Variants in CDH18 observed in about 807,000 individuals in gnomAD.
The protein encoded by CDH18 is cadherin-18.
In CDH18, 31 loss-of-function variants were observed where a neutral mutation model predicts 67.9. The observed-to-expected ratio is 0.46, with a 90% CI of 0.34 to 0.62. The LOEUF is 0.62. Among genes scored for constraint, CDH18 ranks in the 20% least tolerant of loss-of-function variants. The probability of loss-of-function intolerance (pLI) is 0.01; values close to 1 mark genes in which losing one functional copy is unlikely to be tolerated. For synonymous variants in CDH18, 362 were observed against 347.2 expected, an observed-to-expected ratio of 1.04 and a Z score of -0.48; for missense variants, 890 against 975.5, an observed-to-expected ratio of 0.91 and a Z score of 1.17.
intron 5 of CDH18, among the ~76,000 whole-genome samples, chr5:19,620,611 T>A (rs902531431): frequency 2.2e-4 from 33 of 152,172 alleles, no homozygotes; most frequent in African/African-American, 7.5e-4. Flanking sequence ...ATAAAAGTGG[T>A]CACTATCTAA....
chr5:19,709,627 A>T (rs529122066), intron 5 of CDH18, among the ~76,000 whole-genome samples: 68 of 151,716 alleles, frequency 4.5e-4, no homozygotes, highest in Non-Finnish European at 9.0e-4. Context: ...TGACAGAAAG[A>T]GAGAAAGAGA....
At chr5:20,137,282 T>C (rs937696019) in intron 2 of CDH18, among the ~76,000 whole-genome samples, 2 of 152,154 alleles carry the variant, frequency 1.3e-5, no homozygotes, top group Non-Finnish European at 2.9e-5. Context: ...TGTTCATTTC[T>C]TTTTACTCTT....
At chr5:19,593,640 C>T (rs1389529906) in intron 6 of CDH18, among the ~76,000 whole-genome samples, 1 of 142,624 alleles carries the variant, frequency 7.0e-6, no homozygotes, top group African/African-American at 2.7e-5. Context: ...TCCTTCTCCT[C>T]CTTCACCCAC....
chr5:20,155,682 C>T (rs1751470778), intron 2 of CDH18, among the ~76,000 whole-genome samples: 1 of 151,920 alleles, frequency 6.6e-6, no homozygotes, highest in Non-Finnish European at 1.5e-5. Context: ...TCCTAGGTTT[C>T]CTTCTAGGAT....
chr5:20,025,382 A>G (rs554637509), intron 2 of CDH18, among the ~76,000 whole-genome samples: 1 of 152,328 alleles, frequency 6.6e-6, no homozygotes, highest in South Asian at 2.1e-4. Context: ...AACTTTTTCT[A>G]GGACATATAA....
Position 20,161,752 on chromosome 5 carries a change from T to G in CDH18, c.-518+93692A>C, listed in dbSNP as rs181036280. Reference sequence around the variant, plus strand: ...TTTTAACTGTGAGCTCGTTTTCCACTGAAACTTATCAACGGAAATTCTTTG... The same window carrying G: ...TTTTAACTGTGAGCTCGTTTTCCACGGAAACTTATCAACGGAAATTCTTTG... On this transcript the variant is annotated intron_variant, in intron 2 of 14. Transcript: ENST00000507958. 3.9e-5 allele frequency among the ~76,000 whole-genome samples: 6 copies of G among 152,194 alleles called. No homozygotes were observed. In the East Asian group the frequency reaches 1.2e-3, roughly 29 times the overall value.
At chr5:19,966,017 A>C (rs1198377820) in intron 2 of CDH18, among the ~76,000 whole-genome samples, 1 of 152,228 alleles carries the variant, frequency 6.6e-6, no homozygotes, top group African/African-American at 2.4e-5. Context: ...TTCATAAAAA[A>C]AGAAAAAGGC....
At chr5:20,042,392 A>G (rs373850494) in intron 2 of CDH18, among the ~76,000 whole-genome samples, 7 of 152,232 alleles carry the variant, frequency 4.6e-5, no homozygotes, top group East Asian at 3.8e-4. Flanking sequence ...GCCAAAGGAA[A>G]CTTTTTCCCT....
At chr5:19,945,120 A>G (rs1272790081) in intron 2 of CDH18, among the ~76,000 whole-genome samples, 2 of 152,136 alleles carry the variant, frequency 1.3e-5, no homozygotes, top group Non-Finnish European at 2.9e-5. Context: ...CCCTCCATCT[A>G]GAGGTGTATG....
intron 2 of CDH18, among the ~76,000 whole-genome samples, chr5:20,128,523 G>C (rs148660471): frequency 0.011 from 1,678 of 152,126 alleles, 26 homozygotes; most frequent in Admixed American, 0.033. Context: ...TCAATGTATA[G>C]GCTACCATAT....
chr5:19,873,618 T>A (rs185379715), intron 2 of CDH18, among the ~76,000 whole-genome samples: 96 of 152,284 alleles, frequency 6.3e-4, no homozygotes, highest in African/African-American at 2.2e-3. Context: ...TTATCAACTT[T>A]ATGTTTTGTA....
intron 3 of CDH18, among the ~76,000 whole-genome samples, chr5:19,830,112 T>C (rs1220163329): frequency 6.6e-6 from 1 of 152,170 alleles, no homozygotes; most frequent in Non-Finnish European, 1.5e-5. Context: ...AGAAATATCA[T>C]TCTGGACATA....
chr5:19,868,717 T>C (rs1785886046), intron 2 of CDH18, among the ~76,000 whole-genome samples: 2 of 152,144 alleles, frequency 1.3e-5, no homozygotes, highest in Admixed American at 1.3e-4. Flanking sequence ...GAAACGTATG[T>C]TCATGGGCAT....
chr5:19,774,842 A>C (rs1774154669), intron 3 of CDH18, among the ~76,000 whole-genome samples: 1 of 135,462 alleles, frequency 7.4e-6, no homozygotes, highest in African/African-American at 3.0e-5. Flanking sequence ...AAAAAAAAAA[A>C]AAAAAAAGGC....
chr5:19,960,684 C>T (rs1487168639), intron 2 of CDH18, among the ~76,000 whole-genome samples: 17 of 124,842 alleles, frequency 1.4e-4, no homozygotes, highest in East Asian at 2.1e-4. Flanking sequence ...TATATGTATA[C>T]ATATACACGT....
intron 1 of CDH18, among the ~76,000 whole-genome samples, chr5:20,477,522 C>T (rs1752521554): frequency 1.3e-5 from 2 of 152,168 alleles, no homozygotes; most frequent in East Asian, 3.9e-4. Context: ...CTTAGTGCTT[C>T]CCTGTCACAG....
At chr5:19,796,697 T>C (rs1338247098) in intron 3 of CDH18, among the ~76,000 whole-genome samples, 1 of 152,102 alleles carries the variant, frequency 6.6e-6, no homozygotes, top group Non-Finnish European at 1.5e-5. Context: ...GAGTTTTATC[T>C]ATCATATTTA....
rs1762537167 is a variant in CDH18, at chr5:19,696,313, G to C, written c.643+25034C>G. Among the ~76,000 whole-genome samples the C allele has an allele frequency of 2.6e-5, 4 of 150,988 alleles. No homozygotes were observed. In the South Asian group the frequency reaches 8.4e-4, roughly 32 times the overall value. On this transcript the variant is annotated intron_variant, in intron 5 of 12. Coordinates refer to ENST00000382275, the MANE Select transcript of CDH18 (RefSeq NM_004934.5). ...CTGCTGCCCAGGCTGGAGTGCAGTG[G>C]CTTGATCTCTATCAGGAGTTCAAGA...
chr5:20,224,212 C>A (rs1741435959), intron 2 of CDH18, among the ~76,000 whole-genome samples: 1 of 152,014 alleles, frequency 6.6e-6, no homozygotes, highest in Non-Finnish European at 1.5e-5. Flanking sequence ...TTTCCTCAGT[C>A]TTGTTTCTAG....
Sources: gnomAD v4.1 joint callset for allele counts (sites outside exome capture counted in the v4.1 genomes callset) on GRCh38, gnomAD v4.1.1 for gene constraint, MANE v1.5 for transcripts, NCBI Gene and HGNC (gene_info 2026-07-23, HGNC 2026-07-21) for gene names.